RAPGEF5: variants seen among roughly 807,000 people sequenced by gnomAD.
RAPGEF5 encodes M-Ras-regulated GEF.
In RAPGEF5, 65 loss-of-function variants were observed where a neutral mutation model predicts 125.2. The ratio of observed to expected loss-of-function variants is 0.52; its 90% CI spans 0.43 to 0.64. The LOEUF (loss-of-function observed/expected upper bound fraction) is 0.64, where lower values mean the gene tolerates loss of function less well. Ranked by LOEUF, RAPGEF5 falls within the 30% of genes least tolerant of loss-of-function variation. RAPGEF5 has a pLI of 0.00. For missense variants in RAPGEF5, 958 were observed against 1,048.1 expected (o/e 0.91, Z 1.19); for synonymous variants, 391 against 385.9 (o/e 1.01, Z -0.16).
intron 15 of RAPGEF5, among the ~76,000 whole-genome samples, chr7:22,157,296 AC>A (rs1783841129): frequency 6.6e-6 from 1 of 152,138 alleles, no homozygotes; most frequent in South Asian, 2.1e-4. Flanking sequence ...TGGTTTCAGT[AC>A]CTCTGCTGTA....
In RAPGEF5 at chr7:22,197,893, T is replaced by TAG. The variant is rs139871450; in HGVS notation, c.997-3861_997-3860insCT. 1.2e-3 allele frequency among the ~76,000 whole-genome samples: 139 copies of TAG among 116,354 alleles called. 2 individuals carry two copies. The highest frequency in any genetic ancestry group is 4.7e-3 in the African/African-American group (137 of 29,364). The allele number at this position is 116,354 out of a possible 152,430, so 76.3% of individuals were successfully genotyped here. A position where few individuals can be genotyped will look rare whatever the true frequency, so the allele number is the denominator to read the frequency against. On this transcript the variant is annotated intron_variant, in intron 9 of 25. Transcript: ENST00000665637. ...ATTAAATCTCTTTTTTCTTTTTTTT[T>TAG]GGGGGGGGGTGGTAGGAGGACATTC...
At chr7:22,272,373 A>G (rs1782454190) in intron 6 of RAPGEF5, among the ~76,000 whole-genome samples, 2 of 109,632 alleles carry the variant, frequency 1.8e-5, no homozygotes, top group Non-Finnish European at 4.2e-5. Context: ...AGAAGGAAAA[A>G]AAAGAAAAAA....
chr7:22,150,599 C>T, intron 17 of RAPGEF5, 95 bp from the exon 18 acceptor site: 1 of 1,431,600 alleles, frequency 7.0e-7, no homozygotes, highest in South Asian at 1.5e-5. Context: ...TGAAACTTGC[C>T]AAAGAAAAAT....
At chr7:22,247,928 A>G (rs1786520750) in intron 7 of RAPGEF5, among the ~76,000 whole-genome samples, 1 of 152,206 alleles carries the variant, frequency 6.6e-6, no homozygotes, top group Non-Finnish European at 1.5e-5. Context: ...AACAATGGGT[A>G]CTTATGGACA....
chr7:22,232,574 C>A (rs1229854787), intron 7 of RAPGEF5, among the ~76,000 whole-genome samples: 1 of 152,174 alleles, frequency 6.6e-6, no homozygotes, highest in African/African-American at 2.4e-5. Context: ...CCTGCCTTGG[C>A]CTCCCAAAGT....
At position 22,219,759 on chromosome 7, in the gene RAPGEF5, A is replaced by C. The variant is rs774448508; in HGVS notation, c.996+107T>G. 6 of 1,424,406 alleles carry C rather than the reference A, an allele frequency of 4.2e-6. No homozygotes were observed. The African/African-American group carries it at 5.7e-5, about 14-fold the overall frequency. The allele number at this position is 1,424,406 out of a possible 1,614,324, so 88.2% of individuals were successfully genotyped here. On this transcript the variant is annotated intron_variant, in intron 9 of 25. Transcript: ENST00000665637. ...TGCTCTTGGGGGGAAAAAAACCCCC[A>C]AAACCTAAAGAATTTAAAATAAAAT...
chr7:22,179,604 C>G (rs2128120973), intron 11 of RAPGEF5, among the ~76,000 whole-genome samples: 1 of 152,260 alleles, frequency 6.6e-6, no homozygotes, highest in Non-Finnish European at 1.5e-5. Flanking sequence ...TCCTAAACCA[C>G]AGGGTGAGAT....
At chr7:22,310,972 T>C (rs1189065553) in intron 3 of RAPGEF5, among the ~76,000 whole-genome samples, 1 of 152,188 alleles carries the variant, frequency 6.6e-6, no homozygotes, top group African/African-American at 2.4e-5. Flanking sequence ...CTGAAGTGTT[T>C]TGTCATTTGC....
intron 4 of RAPGEF5, among the ~76,000 whole-genome samples, chr7:22,308,827 TTAG>T (rs1783405280): frequency 6.6e-6 from 1 of 152,062 alleles, no homozygotes; most frequent in Non-Finnish European, 1.5e-5. Context: ...CCAAAGCAAA[TTAG>T]TATATTTAAT....
intron 1 of RAPGEF5, among the ~76,000 whole-genome samples, chr7:22,331,744 CAAAAAAAAA>C (rs11406166): frequency 3.2e-5 from 3 of 94,906 alleles, no homozygotes; most frequent in African/African-American, 8.1e-5. Context: ...GACTCCATCT[CAAAAAAAAA>C]AAAAAAAAGA....
rs71550462 is a variant in RAPGEF5, at chr7:22,150,074, CTTTTTTTTTTTTTTT to C, written c.1884+318_1884+332del. Among the ~76,000 whole-genome samples, 5 of 76,288 alleles carry C rather than the reference CTTTTTTTTTTTTTTT, an allele frequency of 6.6e-5. No individual in the cohort carries two copies. In the Admixed American group the frequency reaches 8.2e-4, roughly 12 times the overall value. The allele number at this position is 76,288 out of a possible 152,430, so 50.0% of individuals were successfully genotyped here. On this transcript the variant is annotated intron_variant, in intron 18 of 25. Transcript: ENST00000665637. ...TATGCTTTATGTGGTACGTGTGTTC[CTTTTTTTTTTTTTTT>C]TTTTTTTTGAGACAAGGTCCTACCC...
chr7:22,145,305 T>A (rs1783400071), intron 19 of RAPGEF5, 83 bp from the exon 20 acceptor site: 1 of 1,305,140 alleles, frequency 7.7e-7, no homozygotes, highest in Non-Finnish European at 1.0e-6. Context: ...TAAGAGCTAC[T>A]TCAGGTAGTT....
At chr7:22,169,194 A>ACG (rs1038331782) in intron 11 of RAPGEF5, among the ~76,000 whole-genome samples, 6 of 152,180 alleles carry the variant, frequency 3.9e-5, no homozygotes, top group African/African-American at 1.4e-4. Flanking sequence ...CAGCCTGTGT[A>ACG]CGCAGAAGAG....
intron 5 of RAPGEF5, among the ~76,000 whole-genome samples, chr7:22,307,662 C>A (rs1025655474): frequency 6.6e-6 from 1 of 152,100 alleles, no homozygotes; most frequent in Non-Finnish European, 1.5e-5. Context: ...ATACTGCTTG[C>A]CCCCGCTAAT....
intron 9 of RAPGEF5, 111 bp downstream of exon 9, chr7:22,219,755 C>T: frequency 3.6e-6 from 5 of 1,398,760 alleles, no homozygotes; most frequent in South Asian, 3.5e-5. Flanking sequence ...GGAAAAAAAC[C>T]CCCAAAACCT....
chr7:22,219,805 A>G (rs920181478), intron 9 of RAPGEF5, 61 bp downstream of exon 9: 9 of 1,511,824 alleles, frequency 6.0e-6, no homozygotes, highest in South Asian at 1.4e-5. Flanking sequence ...TCAAACATGC[A>G]ATCAGGCAAA....
chr7:22,218,564 T>A (rs1366201175), intron 9 of RAPGEF5, among the ~76,000 whole-genome samples: 1 of 152,160 alleles, frequency 6.6e-6, no homozygotes, highest in Non-Finnish European at 1.5e-5. Context: ...CAATAAAATA[T>A]GGCATATGAA....
intron 8 of RAPGEF5, among the ~76,000 whole-genome samples, chr7:22,221,946 T>C (rs1562769407): frequency 6.6e-6 from 1 of 150,926 alleles, no homozygotes; most frequent in African/African-American, 2.4e-5. Context: ...GTAGTGAACA[T>C]AAAAAAAAAC....
intron 14 of RAPGEF5, among the ~76,000 whole-genome samples, chr7:22,158,360 C>T (rs577886224): frequency 6.6e-6 from 1 of 152,282 alleles, no homozygotes; most frequent in South Asian, 2.1e-4. Flanking sequence ...GAACACTCTG[C>T]CCATCTCTGA....
Sources: gnomAD v4.1 joint callset for allele counts (sites outside exome capture counted in the v4.1 genomes callset) on GRCh38, gnomAD v4.1.1 for gene constraint, MANE v1.5 for transcripts, NCBI Gene and HGNC (gene_info 2026-07-23, HGNC 2026-07-21) for gene names.